Variants in LPIN1 observed in about 807,000 individuals in gnomAD.
The protein encoded by LPIN1 is phosphatidate phosphatase LPIN1.
A neutral mutation model predicts 107.5 loss-of-function variants in LPIN1; 71 were observed. That is an observed-to-expected ratio of 0.66 (90% CI 0.55 to 0.80). The LOEUF (loss-of-function observed/expected upper bound fraction) is 0.80. Ranked by LOEUF, LPIN1 falls within the 30% of genes least tolerant of loss-of-function variation. The probability of loss-of-function intolerance (pLI) is 0.00; values close to 1 mark genes in which losing one functional copy is unlikely to be tolerated. For missense variants in LPIN1, 1,043 were observed against 1,160.6 expected, an observed-to-expected ratio of 0.90 and a Z score of 1.47; for synonymous variants, 445 against 452.6, an observed-to-expected ratio of 0.98 and a Z score of 0.21.
chr2:11,714,777 G>A (rs903405248), intron 2 of LPIN1, among the ~76,000 whole-genome samples: 1 of 152,156 alleles, frequency 6.6e-6, no homozygotes, highest in African/African-American at 2.4e-5. Context: ...TTGTGGCTAC[G>A]GAACAAAAGT....
At chr2:11,722,491 A>C (rs1664218465), upstream of LPIN1, 1 of 152,242 alleles carries the variant, frequency 6.6e-6, no homozygotes, top group African/African-American at 2.4e-5. Flanking sequence ...TAGGGACTGC[A>C]GTTTGTCAAG....
intron 1 of LPIN1, among the ~76,000 whole-genome samples, chr2:11,696,585 G>A (rs1045145522): frequency 4.4e-4 from 67 of 152,280 alleles, no homozygotes; most frequent in African/African-American, 1.3e-3. Flanking sequence ...AGAAGTGAGT[G>A]GGGATGGCTG....
At chr2:11,686,157 A>T (rs1233462488) in intron 1 of LPIN1, among the ~76,000 whole-genome samples, 3 of 152,186 alleles carry the variant, frequency 2.0e-5, no homozygotes, top group Non-Finnish European at 2.9e-5. Flanking sequence ...CTTGCTGAAG[A>T]AACAGATGCA....
rs539525316 is a variant in LPIN1, at chr2:11,793,398, T to G, written c.1806+1392T>G. 2.6e-5 allele frequency among the ~76,000 whole-genome samples: 4 copies of G among 152,368 alleles called. No individual in the cohort carries two copies. In the East Asian group the frequency reaches 7.7e-4, roughly 29 times the overall value. On this transcript the variant is annotated intron_variant, in intron 13 of 20. Transcript: ENST00000674199. ...ACCCTTGCTTCTTCATTCTCTGTACTGCAGATGCATTGGTCTCTTCAGGGG... is the reference window on the plus strand; with the variant it reads ...ACCCTTGCTTCTTCATTCTCTGTACGGCAGATGCATTGGTCTCTTCAGGGG...
At position 11,825,092 on chromosome 2, in the gene LPIN1, C is replaced by G; in HGVS notation, c.*301C>G. On this transcript the variant is annotated 3_prime_UTR_variant, in exon 21 of 21. Coordinates refer to ENST00000674199, the MANE Select transcript of LPIN1 (RefSeq NM_001349206.2). This position sits in a 1 kb window ranked among gnomAD's most constrained non-coding sequence, Gnocchi z 4.1. ...CTTTCCGGCCTGCTCCAGCAAGTAG[C>G]TACTGGTTCACGTGCAGTTTGGGGC... The G allele has an allele frequency of 2.3e-6, 1 of 434,552 alleles. No homozygotes were observed. Among genetic ancestry groups the G allele is most frequent in the Non-Finnish European group, 4.3e-6 (1 of 232,926 alleles). The allele number at this position is 434,552 out of a possible 1,614,324, so 26.9% of individuals were successfully genotyped here. A position where few individuals can be genotyped will look rare whatever the true frequency, so the allele number is the denominator to read the frequency against.
chr2:11,725,733 C>G (rs1664572633), intron 1 of LPIN1, among the ~76,000 whole-genome samples: 1 of 152,134 alleles, frequency 6.6e-6, no homozygotes, highest in Middle Eastern at 3.2e-3. Flanking sequence ...CTGTCAGAGA[C>G]TTTTTGAAAC....
At chr2:11,769,888 G>A (rs1671571150) in intron 3 of LPIN1, among the ~76,000 whole-genome samples, 2 of 152,202 alleles carry the variant, frequency 1.3e-5, no homozygotes, top group Admixed American at 6.5e-5. Context: ...TTTAAAGCAA[G>A]TGTCCATAAT....
At chr2:11,789,807 T>G (rs1675384923) in intron 12 of LPIN1, among the ~76,000 whole-genome samples, 2 of 152,256 alleles carry the variant, frequency 1.3e-5, no homozygotes, top group Admixed American at 6.5e-5. Flanking sequence ...AAGGATTTAT[T>G]TATTCACTGA....
At chr2:11,743,174 G>A (rs918294148), upstream of LPIN1, among the ~76,000 whole-genome samples, 4 of 152,190 alleles carry the variant, frequency 2.6e-5, no homozygotes, top group African/African-American at 9.6e-5. This position sits in a 1 kb window ranked among gnomAD's most constrained non-coding sequence, Gnocchi z 4.7. Context: ...CCAGTGCTCA[G>A]CCTAGGGCCT....
At chr2:11,789,712 A>G (rs1675362316) in intron 12 of LPIN1, among the ~76,000 whole-genome samples, 1 of 152,146 alleles carries the variant, frequency 6.6e-6, no homozygotes, top group Non-Finnish European at 1.5e-5. Context: ...CATGGTATCC[A>G]TGGCCTGGGA....
At position 11,786,045 on chromosome 2, in the gene LPIN1, G is replaced by A. The variant is rs899495730; in HGVS notation, c.1549+969G>A. On this transcript the variant is annotated intron_variant, in intron 10 of 20. Transcript: ENST00000674199. The surrounding 1 kb of genome is among the most constrained non-coding windows in gnomAD (Gnocchi z 4.1). Reference sequence around the variant, plus strand: ...GGAGTCCCCTGGGCGTTCCCTCCCTGATATACATGAGCTGGTGGGGGTGGG... The same window carrying A: ...GGAGTCCCCTGGGCGTTCCCTCCCTAATATACATGAGCTGGTGGGGGTGGG... 6.6e-6 allele frequency among the ~76,000 whole-genome samples: 1 copy of A among 152,038 alleles called. No homozygotes were observed.
chr2:11,773,954 G>A (rs1672276507), intron 5 of LPIN1, among the ~76,000 whole-genome samples: 1 of 152,232 alleles, frequency 6.6e-6, no homozygotes, highest in Non-Finnish European at 1.5e-5. Context: ...TCCATCTGCA[G>A]ATATGGCTGT....
chr2:11,811,302 A>C (rs756406312), intron 17 of LPIN1, among the ~76,000 whole-genome samples: 15 of 151,996 alleles, frequency 9.9e-5, no homozygotes, highest in Non-Finnish European at 1.9e-4. Context: ...TGTCCTTCTG[A>C]GTGAGGGGTC....
At chr2:11,693,802 A>ATATAT (rs1553398412) in intron 1 of LPIN1, among the ~76,000 whole-genome samples, 12 of 25,494 alleles carry the variant, frequency 4.7e-4, no homozygotes, top group Admixed American at 8.3e-4. Context: ...ATATATATAT[A>ATATAT]TATATATATA....
chr2:11,728,599 T>C (rs926268262), intron 1 of LPIN1, among the ~76,000 whole-genome samples: 1 of 152,168 alleles, frequency 6.6e-6, no homozygotes, highest in Non-Finnish European at 1.5e-5. Context: ...TTGCCCAGGC[T>C]GGTCTTGAAC....
At chr2:11,761,895 C>T (rs922962174) in intron 1 of LPIN1, among the ~76,000 whole-genome samples, 3 of 152,122 alleles carry the variant, frequency 2.0e-5, no homozygotes, top group Non-Finnish European at 4.4e-5. Context: ...GTGTCTCTTG[C>T]ACGCCAAGCA....
At chr2:11,725,528 C>T (rs1664551603) in intron 1 of LPIN1, among the ~76,000 whole-genome samples, 1 of 152,214 alleles carries the variant, frequency 6.6e-6, no homozygotes, top group African/African-American at 2.4e-5. Flanking sequence ...GGCCCCCTAA[C>T]CCTTTCCTGA....
chr2:11,753,094 G>C (rs1426889219), intron 1 of LPIN1, among the ~76,000 whole-genome samples: 3 of 152,142 alleles, frequency 2.0e-5, no homozygotes, highest in African/African-American at 7.2e-5. Context: ...CCCTGGGCAA[G>C]GAGGGGGATG....
At chr2:11,737,941 G>C (rs535508858) in intron 1 of LPIN1, among the ~76,000 whole-genome samples, 6 of 152,192 alleles carry the variant, frequency 3.9e-5, no homozygotes, top group Non-Finnish European at 8.8e-5. Context: ...GCATATGTAT[G>C]TTTATTGCAG....
Sources: allele counts gnomAD v4.1 joint callset (sites outside exome capture counted in the v4.1 genomes callset), GRCh38; gene constraint gnomAD v4.1.1; non-coding constraint Gnocchi (gnomAD v3.1); transcripts MANE v1.5; gene names NCBI Gene and HGNC (gene_info 2026-07-23, HGNC 2026-07-21).